PAK5: variants seen among roughly 807,000 people sequenced by gnomAD.
The protein encoded by PAK5 is serine/threonine-protein kinase PAK 5.
In PAK5, 16 loss-of-function variants were observed where a neutral mutation model predicts 65.9. The ratio of observed to expected loss-of-function variants is 0.24; its 90% CI spans 0.16 to 0.37. The LOEUF is 0.37. PAK5 is among the 10% of genes least tolerant of loss of function. The probability of loss-of-function intolerance (pLI) is 1.00; values close to 1 mark genes in which losing one functional copy is unlikely to be tolerated. For missense variants in PAK5, 785 were observed against 903.9 expected, an observed-to-expected ratio of 0.87 and a Z score of 1.69; for synonymous variants, 371 against 354.9, an observed-to-expected ratio of 1.05 and a Z score of -0.51.
chr20:9,696,915 GCCAGACA>G (rs2123449484), intron 2 of PAK5, among the ~76,000 whole-genome samples: 1 of 152,156 alleles, frequency 6.6e-6, no homozygotes, highest in South Asian at 2.1e-4. Context: ...ACACAGAAGA[GCCAGACA>G]CCTAGTAAGT....
intron 3 of PAK5, among the ~76,000 whole-genome samples, chr20:9,596,966 T>C (rs2046281188): frequency 1.3e-5 from 2 of 152,232 alleles, no homozygotes; most frequent in Admixed American, 1.3e-4. Context: ...AGGCTAATAC[T>C]GCTGGCTGCA....
At chr20:9,773,036 T>C (rs2048851236) in intron 1 of PAK5, among the ~76,000 whole-genome samples, 1 of 152,074 alleles carries the variant, frequency 6.6e-6, no homozygotes, top group Non-Finnish European at 1.5e-5. Context: ...AAGTCAAACT[T>C]CTCACTCTTC....
chr20:9,566,477 G>A (rs1349092012), intron 4 of PAK5, 93 bp from the exon 5 acceptor site: 2 of 1,252,978 alleles, frequency 1.6e-6, no homozygotes, highest in Non-Finnish European at 2.3e-6. Context: ...CTGGCAGAAT[G>A]AGGATCACCA....
At chr20:9,547,246 A>C (rs2045359158) in intron 7 of PAK5, among the ~76,000 whole-genome samples, 1 of 152,152 alleles carries the variant, frequency 6.6e-6, no homozygotes, top group Admixed American at 6.5e-5. Context: ...TCCAGAAGGA[A>C]TCAACACTAC....
At chr20:9,688,103 GGGAGAC>G (rs2123424344) in intron 2 of PAK5, among the ~76,000 whole-genome samples, 1 of 152,112 alleles carries the variant, frequency 6.6e-6, no homozygotes, top group East Asian at 1.9e-4. Context: ...GAGCCCTTTG[GGGAGAC>G]GGAAATAGTC....
chr20:9,790,946 G>C (rs1178745791), intron 1 of PAK5, among the ~76,000 whole-genome samples: 1 of 152,132 alleles, frequency 6.6e-6, no homozygotes, highest in African/African-American at 2.4e-5. Context: ...ACATCACGGG[G>C]AATGGGTGTT....
At chr20:9,816,748 T>G (rs1351519198) in intron 1 of PAK5, among the ~76,000 whole-genome samples, 1 of 152,164 alleles carries the variant, frequency 6.6e-6, no homozygotes, top group Non-Finnish European at 1.5e-5. Flanking sequence ...TCTGCTTCCA[T>G]AATTATGTGA....
chr20:9,767,257 T>C (rs745386781), intron 1 of PAK5, among the ~76,000 whole-genome samples: 9 of 152,206 alleles, frequency 5.9e-5, no homozygotes, highest in Non-Finnish European at 1.3e-4. Context: ...GATGAGATCA[T>C]AAAGGAGAAT....
chr20:9,712,496 T>C (rs2048090068), intron 1 of PAK5, among the ~76,000 whole-genome samples: 1 of 152,112 alleles, frequency 6.6e-6, no homozygotes, highest in Admixed American at 6.6e-5. Flanking sequence ...AATAACATTC[T>C]TTGCAGAAAT....
At chr20:9,606,865 T>C (rs963716048) in intron 3 of PAK5, among the ~76,000 whole-genome samples, 1 of 152,156 alleles carries the variant, frequency 6.6e-6, no homozygotes, top group Non-Finnish European at 1.5e-5. Flanking sequence ...GTATAGGCCT[T>C]GGTTTTCAAG....
intron 7 of PAK5, among the ~76,000 whole-genome samples, chr20:9,550,402 A>G (rs1470480549): frequency 1.3e-5 from 2 of 152,078 alleles, no homozygotes; most frequent in Admixed American, 1.3e-4. Flanking sequence ...CAGGGAGGAG[A>G]AAGGAACAAG....
chr20:9,545,956 C>T (rs2045337654), intron 7 of PAK5, among the ~76,000 whole-genome samples: 2 of 152,034 alleles, frequency 1.3e-5, no homozygotes, highest in Admixed American at 6.5e-5. Flanking sequence ...GGCTTCAACA[C>T]CCACAATAGT....
chr20:9,559,216 A>G lies in PAK5; in HGVS notation c.1617-1482T>C, dbSNP rs148058695. On this transcript the variant is annotated intron_variant, in intron 6 of 9. Coordinates refer to ENST00000353224, the MANE Select transcript of PAK5 (RefSeq NM_177990.4). ...CCATGTTAAATAATAAATGTAAAAG[A>G]GGTCCTAAAGCGAACTATCATCCAA... is the stretch of plus-strand genomic sequence containing the variant. Among the ~76,000 whole-genome samples the G allele has an allele frequency of 5.1e-3, 773 of 152,270 alleles. 4 individuals are homozygous for G. Among genetic ancestry groups the G allele is most frequent in the East Asian group, 0.032 (167 of 5,158 alleles).
intron 1 of PAK5, among the ~76,000 whole-genome samples, chr20:9,808,192 A>T (rs2206473): frequency 0.64 from 96,607 of 151,876 alleles, 31,167 homozygotes; most frequent in African/African-American, 0.73. Context: ...GCAGGTTATA[A>T]ATAATATAAA....
At chr20:9,730,414 T>A (rs925555004) in intron 1 of PAK5, among the ~76,000 whole-genome samples, 2 of 152,200 alleles carry the variant, frequency 1.3e-5, no homozygotes, top group African/African-American at 2.4e-5. Context: ...GATAAATTTT[T>A]AAAAAGTACA....
At chr20:9,611,150 T>A (rs2046552193) in intron 3 of PAK5, among the ~76,000 whole-genome samples, 1 of 152,254 alleles carries the variant, frequency 6.6e-6, no homozygotes, top group African/African-American at 2.4e-5. Context: ...CAATGGACTG[T>A]TCTTGGCCTA....
intron 2 of PAK5, among the ~76,000 whole-genome samples, chr20:9,693,577 G>A (rs1370289125): frequency 1.3e-5 from 2 of 151,990 alleles, no homozygotes; most frequent in East Asian, 3.9e-4. Flanking sequence ...GAGCCATATA[G>A]TTCACATTAG....
At chr20:9,627,635 CT>C (rs539318641) in intron 3 of PAK5, among the ~76,000 whole-genome samples, 17 of 149,408 alleles carry the variant, frequency 1.1e-4, no homozygotes, top group South Asian at 6.4e-4. Context: ...CTTTTCTTTT[CT>C]TTTTTTTTTA....
intron 3 of PAK5, among the ~76,000 whole-genome samples, chr20:9,640,735 A>C (rs886660596): frequency 6.6e-6 from 1 of 151,998 alleles, no homozygotes; most frequent in Non-Finnish European, 1.5e-5. Flanking sequence ...TCGCTGGCTC[A>C]GGAGTGAAGC....
Sources: allele counts gnomAD v4.1 joint callset (sites outside exome capture counted in the v4.1 genomes callset), GRCh38; gene constraint gnomAD v4.1.1; transcripts MANE v1.5; gene names NCBI Gene and HGNC (gene_info 2026-07-23, HGNC 2026-07-21).